The following ALK variants were observed in gnomAD, a reference collection of about 807,000 sequenced individuals.
ALK encodes the protein ALK receptor tyrosine kinase.
ALK carries 74 observed loss-of-function variants against 163.1 expected under a neutral mutation model. That is an observed-to-expected ratio of 0.45 (90% CI 0.38 to 0.55). The LOEUF (loss-of-function observed/expected upper bound fraction) is 0.55, where lower values mean the gene tolerates loss of function less well. ALK is among the 20% of genes least tolerant of loss of function. The pLI is 0.00. For synonymous variants in ALK, 960 were observed against 843.2 expected (o/e 1.14, Z -2.40); for missense variants, 2,063 against 2,105.3 (o/e 0.98, Z 0.39).
intron 5 of ALK, among the ~76,000 whole-genome samples, chr2:29,349,347 G>A (rs978954721): frequency 3.3e-5 from 5 of 152,166 alleles, no homozygotes; most frequent in Admixed American, 6.5e-5. Context: ...CTGTTTGTTT[G>A]TAGCCTCATC....
intron 1 of ALK, among the ~76,000 whole-genome samples, chr2:29,916,847 A>C (rs1052776337): frequency 2.0e-5 from 3 of 152,190 alleles, no homozygotes; most frequent in African/African-American, 7.2e-5. Context: ...TTGCAGACAG[A>C]CATCTTTTCT....
At chr2:29,416,894 C>T (rs769638807) in intron 4 of ALK, among the ~76,000 whole-genome samples, 7 of 151,420 alleles carry the variant, frequency 4.6e-5, no homozygotes, top group Admixed American at 3.9e-4. Context: ...TGGCTCAATG[C>T]CTGCCTCATA....
At chr2:29,769,627 C>T (rs1680961270) in intron 1 of ALK, among the ~76,000 whole-genome samples, 1 of 152,190 alleles carries the variant, frequency 6.6e-6, no homozygotes, top group South Asian at 2.1e-4. Flanking sequence ...GTACTGAGAA[C>T]TATTAAGCAT....
intron 3 of ALK, among the ~76,000 whole-genome samples, chr2:29,629,016 G>A (rs1021729955): frequency 6.6e-6 from 1 of 152,178 alleles, no homozygotes. Flanking sequence ...TGCCATGGGA[G>A]TGTTGGCAGG....
At chr2:29,200,849 A>G (rs1467743314) in intron 26 of ALK, among the ~76,000 whole-genome samples, 1 of 146,402 alleles carries the variant, frequency 6.8e-6, no homozygotes, top group African/African-American at 2.5e-5. Context: ...GTGTGTATAT[A>G]GATACGTATA....
chr2:29,767,119 A>C (rs1389215114), intron 1 of ALK, among the ~76,000 whole-genome samples: 1 of 152,250 alleles, frequency 6.6e-6, no homozygotes, highest in Non-Finnish European at 1.5e-5. Flanking sequence ...CCTACTATGC[A>C]CCAGGCACTG....
At chr2:29,551,613 T>C (rs1209876855) in intron 3 of ALK, among the ~76,000 whole-genome samples, 1 of 152,108 alleles carries the variant, frequency 6.6e-6, no homozygotes, top group Non-Finnish European at 1.5e-5. Flanking sequence ...CCATGCTGTA[T>C]AAACAACTAG....
intron 1 of ALK, among the ~76,000 whole-genome samples, chr2:29,814,228 G>C (rs905985268): frequency 7.2e-5 from 11 of 152,164 alleles, no homozygotes; most frequent in African/African-American, 2.4e-4. Context: ...TGACTTGTCC[G>C]TGTTATGCTG....
chr2:29,303,232 T>C (rs1002770120), intron 8 of ALK, among the ~76,000 whole-genome samples: 6 of 152,076 alleles, frequency 3.9e-5, no homozygotes, highest in African/African-American at 1.4e-4. Flanking sequence ...AGGACATTAA[T>C]AGACACTTCT....
intron 4 of ALK, among the ~76,000 whole-genome samples, chr2:29,406,898 C>CAAAAAA (rs11397203): frequency 1.5e-5 from 2 of 133,492 alleles, no homozygotes; most frequent in African/African-American, 5.8e-5. Flanking sequence ...GACTCCATCT[C>CAAAAAA]AAAAAAAAAA....
chr2:29,691,693 TCCC>T (rs1186534503), intron 3 of ALK, among the ~76,000 whole-genome samples: 2 of 151,974 alleles, frequency 1.3e-5, no homozygotes. Context: ...TTCCCTCCTC[TCCC>T]CCCCTTCTTT....
chr2:29,632,796 C>T (rs1676415554), intron 3 of ALK, among the ~76,000 whole-genome samples: 1 of 152,202 alleles, frequency 6.6e-6, no homozygotes, highest in Admixed American at 6.5e-5. Context: ...GAGCAAGTCA[C>T]ATCTTATGTG....
rs139968913 is a variant in ALK at position 29,716,570 on chromosome 2, G to C, written c.787+1008C>G. Among the ~76,000 whole-genome samples, 1,233 of 152,298 alleles carry C rather than the reference G, an allele frequency of 8.1e-3. 15 individuals are homozygous for C. The highest frequency in any genetic ancestry group is 0.044 in the South Asian group (214 of 4,820). On this transcript the variant is annotated intron_variant, in intron 2 of 28. Transcript: ENST00000389048. Reference sequence around the variant, plus strand: ...AGCCTCCTGAGGGCTGCTAGGACAGGACCTACCCGGGTGGGTAGGTGGTAC... The same window carrying C: ...AGCCTCCTGAGGGCTGCTAGGACAGCACCTACCCGGGTGGGTAGGTGGTAC...
intron 6 of ALK, among the ~76,000 whole-genome samples, chr2:29,327,851 C>T (rs889404541): frequency 2.0e-5 from 3 of 152,088 alleles, no homozygotes; most frequent in African/African-American, 4.8e-5. Flanking sequence ...CTGAAAGAAT[C>T]GACTCAGGGC....
chr2:29,691,782 A>G (rs1280660571), intron 3 of ALK, among the ~76,000 whole-genome samples: 3 of 152,194 alleles, frequency 2.0e-5, no homozygotes, highest in Non-Finnish European at 2.9e-5. Context: ...CAGGTCACCA[A>G]GTGAAATGTA....
intron 3 of ALK, among the ~76,000 whole-genome samples, chr2:29,673,904 A>G (rs1216954922): frequency 6.7e-6 from 1 of 150,222 alleles, no homozygotes; most frequent in African/African-American, 2.5e-5. Context: ...ATCCCTTGTA[A>G]GTTGGATTCC....
chr2:29,858,548 C>A (rs983284796), intron 1 of ALK, among the ~76,000 whole-genome samples: 1 of 149,772 alleles, frequency 6.7e-6, no homozygotes, highest in Non-Finnish European at 1.5e-5. Context: ...GACTGACCAA[C>A]GTGGCGAAAC....
At chr2:29,691,097 A>G (rs778480708) in intron 3 of ALK, among the ~76,000 whole-genome samples, 2 of 152,214 alleles carry the variant, frequency 1.3e-5, no homozygotes, top group Non-Finnish European at 2.9e-5. Flanking sequence ...GTTTATTACA[A>G]TAGGCTGCTT....
intron 1 of ALK, among the ~76,000 whole-genome samples, chr2:29,899,158 C>A (rs1296321436): frequency 3.3e-5 from 5 of 152,182 alleles, no homozygotes; most frequent in African/African-American, 1.2e-4. Flanking sequence ...CCAGCAATGC[C>A]TGTGTTAACA....
Sources: allele counts gnomAD v4.1 joint callset (sites outside exome capture counted in the v4.1 genomes callset), GRCh38; gene constraint gnomAD v4.1.1; transcripts MANE v1.5; gene names NCBI Gene and HGNC (gene_info 2026-07-23, HGNC 2026-07-21).